Variants in RABL6 observed in about 807,000 individuals in gnomAD.
The protein encoded by RABL6 is rab-like protein 6.
A neutral mutation model predicts 72.9 loss-of-function variants in RABL6; 28 were observed. The ratio of observed to expected loss-of-function variants is 0.38; its 90% CI spans 0.28 to 0.53. The LOEUF is 0.53. Among genes scored for constraint, RABL6 ranks in the 20% least tolerant of loss-of-function variants. The pLI is 0.80. For missense variants in RABL6, 1,029 were observed against 1,008.4 expected, an observed-to-expected ratio of 1.02 and a Z score of -0.28; for synonymous variants, 477 against 421.2, an observed-to-expected ratio of 1.13 and a Z score of -1.62.
chr9:136,815,375 C>A, intron 1 of RABL6: 1 of 278,208 alleles, frequency 3.6e-6, no homozygotes, highest in South Asian at 4.0e-5. Context: ...TTGCAGCAGC[C>A]TTCTTGCCTT....
At position 136,829,591 on chromosome 9, in the gene RABL6, G is replaced by A. The variant is rs577055223; in HGVS notation, c.458+107G>A. ...TGGTTAGAGCAGCATCGTTCTGCAG[G>A]ACCGAGGGACTCTTGCTGGGCAGCT... On this transcript the variant is annotated intron_variant, in intron 5 of 14. Coordinates refer to ENST00000311502, the MANE Select transcript of RABL6 (RefSeq NM_024718.5). 8.1e-4 allele frequency: 813 copies of A among 1,008,796 alleles called. 3 individuals carry two copies. In the African/African-American group the frequency reaches 0.011, roughly 14 times the overall value. The allele number at this position is 1,008,796 out of a possible 1,614,324, so 62.5% of individuals were successfully genotyped here.
chr9:136,840,778 T>G lies in RABL6; in HGVS notation c.*256T>G. 1 of 1,547,884 alleles carries G rather than the reference T, an allele frequency of 6.5e-7. No individual in the cohort carries two copies. Among genetic ancestry groups the G allele is most frequent in the Admixed American group, 2.0e-5 (1 of 50,988 alleles). On this transcript the variant is annotated 3_prime_UTR_variant, in exon 15 of 15. Coordinates refer to ENST00000311502, the MANE Select transcript of RABL6 (RefSeq NM_024718.5). Reference sequence around the variant, plus strand: ...AGGCTCGGTGGACACCCTGGCCCTCTCGGGGCAGAGCCGCCAGTGTTTCTC... The same window carrying G: ...AGGCTCGGTGGACACCCTGGCCCTCGCGGGGCAGAGCCGCCAGTGTTTCTC...
At chr9:136,821,383 C>A in intron 1 of RABL6, 3 of 985,474 alleles carry the variant, frequency 3.0e-6, no homozygotes, top group Non-Finnish European at 2.4e-6. Context: ...CACCGGGAAG[C>A]ACAGCGCGTG....
Position 136,839,343 on chromosome 9 carries a change from C to T in RABL6, c.1615C>T (p.Pro539Ser), listed in dbSNP as rs377209272. The T allele has an allele frequency of 5.6e-6, 9 of 1,612,604 alleles. No individual in the cohort carries two copies. The highest frequency in any genetic ancestry group is 1.1e-5 in the South Asian group (1 of 91,048). ...GGAGAAGCGCAGCAGCACCAGGCCC[C>T]CTGCTGAGATGGAGCCGGGGAAGGG... ...GPEKRSSTRP[P>S]AEMEPGKGEQ... The change falls in exon 12 of 15, where the codon CCT becomes TCT. Residue 539 changes from proline (P) to serine (S), a missense_variant. Pro to Ser is a moderately conservative substitution (Grantham distance 74). This residue lies in a region of RABL6 where 595 missense variants were observed against 472.4 expected (regional missense o/e 1.26). Coordinates refer to ENST00000311502, the MANE Select transcript of RABL6 (RefSeq NM_024718.5).
At chr9:136,827,087 A>G (rs1848376242) in intron 3 of RABL6, 1 of 152,092 alleles carries the variant, frequency 6.6e-6, no homozygotes, top group Non-Finnish European at 1.5e-5. Context: ...CTGGGGTTAC[A>G]TGTGTACCCT....
chr9:136,836,767 C>A, intron 8 of RABL6: 1 of 180,042 alleles, frequency 5.6e-6, no homozygotes, highest in South Asian at 1.0e-4. Flanking sequence ...ATCTGGCCAC[C>A]TCTGCATGGA....
At position 136,840,639 on chromosome 9, in the gene RABL6, G is replaced by A. The variant is rs1344236140; in HGVS notation, c.*117G>A. On this transcript the variant is annotated 3_prime_UTR_variant, in exon 15 of 15. Coordinates refer to ENST00000311502, the MANE Select transcript of RABL6 (RefSeq NM_024718.5). ...CCCCGTGGCTGCCGTGTGCGCTTCT[G>A]AGCTGGAAGAGGCCGGGCATTGGTG... 3 of 1,549,554 alleles carry A rather than the reference G, an allele frequency of 1.9e-6. No homozygotes were observed. The highest frequency in any genetic ancestry group is 1.7e-6 in the Non-Finnish European group (2 of 1,146,804).
rs1243362275 is a variant in RABL6 at position 136,840,350 on chromosome 9, G to A, written c.2018G>A (p.Ser673Asn). The A allele has an allele frequency of 6.4e-7, 1 of 1,564,338 alleles. No homozygotes were observed. Among genetic ancestry groups the A allele is most frequent in the South Asian group, 1.2e-5 (1 of 86,056 alleles). ...GAAGAAAAAGCTGCCAAGAAGAAGA[G>A]CAAACACAAGAAGAGCAAGGACAAG... is the stretch of plus-strand genomic sequence containing the variant. ...EEEEKAAKKK[S>N]KHKKSKDKEE... The change falls in exon 15 of 15, where the codon AGC becomes AAC. Residue 673 changes from serine to asparagine, a missense_variant. Ser to Asn is a conservative substitution (Grantham distance 46, BLOSUM62 1). Around this residue, in one of 2 missense-constraint regions of RABL6, gnomAD observed 595 missense variants for 472.4 expected, o/e 1.26. Coordinates refer to ENST00000311502, the MANE Select transcript of RABL6 (RefSeq NM_024718.5).
chr9:136,837,091 G>A (rs563123914), intron 8 of RABL6: 231 of 626,656 alleles, frequency 3.7e-4, no homozygotes, highest in African/African-American at 3.1e-3. Context: ...TAGCCAGGAC[G>A]GTCTCCACCT....
At chr9:136,824,597 G>A (rs1317613318) in intron 2 of RABL6, among the ~76,000 whole-genome samples, 1 of 151,926 alleles carries the variant, frequency 6.6e-6, no homozygotes, top group African/African-American at 2.4e-5. Flanking sequence ...CCAAAGTGCT[G>A]GGATTATAGG....
chr9:136,825,723 G>C, intron 2 of RABL6, 56 bp from the exon 3 acceptor site: 1 of 1,576,042 alleles, frequency 6.3e-7, no homozygotes, highest in South Asian at 1.1e-5. Flanking sequence ...GGACCGCTTT[G>C]TGCCACCTTG....
rs918577351 is a variant in RABL6 at position 136,838,098 on chromosome 9, G to T, written c.1280+83G>T. The T allele has an allele frequency of 3.2e-5, 48 of 1,488,342 alleles. No individual in the cohort carries two copies. In the Middle Eastern group the frequency reaches 1.1e-3, roughly 34 times the overall value. The allele number at this position is 1,488,342 out of a possible 1,614,324, so 92.2% of individuals were successfully genotyped here. On this transcript the variant is annotated intron_variant, in intron 10 of 14. Transcript: ENST00000311502. Reference sequence around the variant, plus strand: ...GCAGCAGGTGGGGCTGGCTTTCTAGGGGCGCAGAAGGGGCCCCCCGCCGGC... The same window carrying T: ...GCAGCAGGTGGGGCTGGCTTTCTAGTGGCGCAGAAGGGGCCCCCCGCCGGC...
At chr9:136,819,735 C>T (rs1848200198) in intron 1 of RABL6, among the ~76,000 whole-genome samples, 1 of 152,154 alleles carries the variant, frequency 6.6e-6, no homozygotes, top group South Asian at 2.1e-4. Context: ...CAGAGAAAGT[C>T]TCTGGACCTG....
At chr9:136,831,242 T>C (rs1211963748) in intron 5 of RABL6, among the ~76,000 whole-genome samples, 2 of 152,168 alleles carry the variant, frequency 1.3e-5, no homozygotes, top group Admixed American at 6.5e-5. Flanking sequence ...AGATGTCTGC[T>C]TAAGACAAGG....
intron 8 of RABL6, chr9:136,836,841 C>T (rs974244727): frequency 5.3e-5 from 16 of 301,478 alleles, no homozygotes; most frequent in African/African-American, 1.3e-4. Flanking sequence ...GACACATGTA[C>T]GCTGGTGCCT....
intron 7 of RABL6, chr9:136,833,856 C>G (rs376102803): frequency 5.2e-6 from 8 of 1,550,408 alleles, no homozygotes; most frequent in Non-Finnish European, 7.0e-6. Flanking sequence ...TGTCCTGTGC[C>G]GGCACTGCTG....
In RABL6 at chr9:136,821,376, C is replaced by T. The variant is rs1848232871; in HGVS notation, c.131-2149C>T. On this transcript the variant is annotated intron_variant, in intron 1 of 14. Transcript: ENST00000311502. ...CGGGACCACCGCATGTGGAAACCAC[C>T]GGGAAGCACAGCGCGTGGGCCGCCT... 1.2e-5 allele frequency: 12 copies of T among 985,330 alleles called. No homozygotes were observed. The South Asian group carries it at 1.4e-4, about 12-fold the overall frequency. 61.0% of individuals were successfully genotyped at this position (985,330 alleles called of 1,614,324 possible). A position where few individuals can be genotyped will look rare whatever the true frequency, so the allele number is the denominator to read the frequency against.
chr9:136,825,039 C>G (rs533631111), intron 2 of RABL6, among the ~76,000 whole-genome samples: 1 of 152,320 alleles, frequency 6.6e-6, no homozygotes, highest in Non-Finnish European at 1.5e-5. Flanking sequence ...GCGGGAGGCT[C>G]CATCCATCAG....
Position 136,839,250 on chromosome 9 carries a change from AG to A in RABL6, c.1527del (p.Thr510GlnfsTer89), listed in dbSNP as rs1848641115. 1.2e-6 allele frequency: 2 copies of A among 1,604,394 alleles called. No individual in the cohort carries two copies. Among genetic ancestry groups the A allele is most frequent in the African/African-American group, 1.3e-5 (1 of 74,828 alleles). On this transcript the variant is annotated frameshift_variant, in exon 12 of 15. Transcript: ENST00000311502. LOFTEE classifies it high-confidence loss of function. ...CTCCATACCAGCTTCGAAGCCACGG[AG>A]GGGGACAGCTCCCACGAGGACCGCA... Reference protein sequence around the residue: ...WSSIPASKPRRGTAPTRTAAP... With the variant: ...WSSIPASKPRXGTAPTRTAAP...
Sources: allele counts gnomAD v4.1 joint callset (sites outside exome capture counted in the v4.1 genomes callset), GRCh38; gene constraint gnomAD v4.1.1; regional missense constraint gnomAD v4.1.1; transcripts MANE v1.5; gene names NCBI Gene and HGNC (gene_info 2026-07-23, HGNC 2026-07-21).